JMJD7: variants seen among roughly 807,000 people sequenced by gnomAD.
JMJD7 encodes bifunctional peptidase and (3S)-lysyl hydroxylase JMJD7.
In JMJD7, 41 loss-of-function variants were observed where a neutral mutation model predicts 41.1. That is an observed-to-expected ratio of 1.00 (90% confidence interval 0.78 to 1.30). JMJD7 has a LOEUF of 1.30. JMJD7 is among the 50% of genes most tolerant of loss of function. JMJD7 has a pLI of 0.00. For synonymous variants in JMJD7, 202 were observed against 177.2 expected, an observed-to-expected ratio of 1.14 and a Z score of -1.11; for missense variants, 480 against 420.7, an observed-to-expected ratio of 1.14 and a Z score of -1.23.
At chr15:41,833,408 A>ATT (rs1279721703) in intron 1 of JMJD7, among the ~76,000 whole-genome samples, 7 of 39,864 alleles carry the variant, frequency 1.8e-4, no homozygotes, top group East Asian at 4.9e-4. Flanking sequence ...ATATATATAT[A>ATT]TATATATTTT....
Position 41,828,351 on chromosome 15 carries a change from C to T in JMJD7, c.64+163C>T, listed in dbSNP as rs1296070178. On this transcript the variant is annotated intron_variant, in intron 1 of 7. Transcript: ENST00000397299. ...GCTTCCCTTCTCCCGTGTTCGCGCG[C>T]TCCCGCGGCTTCCTGGGTGATTCTG... 5 of 833,356 alleles carry T rather than the reference C, an allele frequency of 6.0e-6. No homozygotes were observed. The African/African-American group carries it at 9.0e-5, about 15-fold the overall frequency. The allele number at this position is 833,356 out of a possible 1,614,324, so 51.6% of individuals were successfully genotyped here. A position where few individuals can be genotyped will look rare whatever the true frequency, so the allele number is the denominator to read the frequency against.
At chr15:41,835,724 A>G (rs1163338131) in intron 4 of JMJD7, 80 bp downstream of exon 4, 1 of 1,509,288 alleles carries the variant, frequency 6.6e-7, no homozygotes. Context: ...GAGTGGAGGG[A>G]TGGCCCTGGG....
chr15:41,833,933 T>C (rs1057186103), intron 1 of JMJD7, among the ~76,000 whole-genome samples: 6 of 151,980 alleles, frequency 3.9e-5, no homozygotes. Flanking sequence ...TTGAGAGACA[T>C]AGGAGACAGA....
At chr15:41,835,330 G>T in intron 3 of JMJD7, 107 bp downstream of exon 3, 1 of 1,453,590 alleles carries the variant, frequency 6.9e-7, no homozygotes, top group Non-Finnish European at 9.1e-7. Context: ...GCTTGGTCCT[G>T]TCAGCATCTG....
chr15:41,834,381 C>G (rs975594703), intron 1 of JMJD7, among the ~76,000 whole-genome samples: 8 of 152,240 alleles, frequency 5.3e-5, no homozygotes, highest in African/African-American at 1.9e-4. Flanking sequence ...TTCTGGAGCT[C>G]CCAATGCCAC....
rs55860712 is a variant in JMJD7 at position 41,833,393 on chromosome 15, C to CATATATATATAT, written c.65-1336_65-1325dup. ...ATAAACAGTTTATGTAGGTGAAATACATATATATATATATATATATATTTT... is the reference window on the plus strand; with the variant it reads ...ATAAACAGTTTATGTAGGTGAAATACATATATATATATATATATATATATATATATATATTTT... On this transcript the variant is annotated intron_variant, in intron 1 of 7. Transcript: ENST00000397299. Among the ~76,000 whole-genome samples, 96 of 50,538 alleles carry CATATATATATAT rather than the reference C, an allele frequency of 1.9e-3. 5 individuals carry two copies. The highest frequency in any genetic ancestry group is 4.9e-3 in the African/African-American group (72 of 14,748). The allele number at this position is 50,538 out of a possible 152,430, so 33.2% of individuals were successfully genotyped here.
chr15:41,833,410 A>ATTT (rs1465192714), intron 1 of JMJD7, among the ~76,000 whole-genome samples: 9 of 39,704 alleles, frequency 2.3e-4, no homozygotes, highest in East Asian at 1.0e-3. Context: ...ATATATATAT[A>ATTT]TATATTTTTT....
chr15:41,828,171 T>A lies in JMJD7; in HGVS notation c.47T>A (p.Phe16Tyr). The A allele has an allele frequency of 1.3e-6, 2 of 1,493,462 alleles. No homozygotes were observed. Among genetic ancestry groups the A allele is most frequent in the Non-Finnish European group, 1.8e-6 (2 of 1,130,194 alleles). The allele number at this position is 1,493,462 out of a possible 1,614,324, so 92.5% of individuals were successfully genotyped here. ...GCCGTGCGGAGCGAGTTACGAGAAT[T>A]CCCGGCCGCTGCAAGGGGTGAGTGG... is the stretch of plus-strand genomic sequence containing the variant. ...LEAVRSELRE[F>Y]PAAARELCVP... is the part of the protein sequence containing the mutation. Residue 16 changes from phenylalanine (F) to tyrosine (Y), a missense_variant, in exon 1 of 8, where the codon TTC (phenylalanine) becomes TAC (tyrosine). Phe to Tyr is a conservative substitution (Grantham distance 22). Transcript: ENST00000397299.
At chr15:41,833,414 A>ATT (rs67111164) in intron 1 of JMJD7, among the ~76,000 whole-genome samples, 418 of 32,022 alleles carry the variant, frequency 0.013, 46 homozygotes, top group East Asian at 0.037. Context: ...ATATATATAT[A>ATT]TTTTTTTTTT....
chr15:41,836,596 G>T lies in JMJD7; in HGVS notation c.702+45G>T, dbSNP rs376499010. 4 of 1,505,626 alleles carry T rather than the reference G, an allele frequency of 2.7e-6. No homozygotes were observed. The African/African-American group carries it at 5.6e-5, about 21-fold the overall frequency. The allele number at this position is 1,505,626 out of a possible 1,614,324, so 93.3% of individuals were successfully genotyped here. A position where few individuals can be genotyped will look rare whatever the true frequency, so the allele number is the denominator to read the frequency against. ...GCTCTAGGGAGGGAGAAGGGCAGAA[G>T]CCTGGCTCTGAAGAACAGGCACAAA... On this transcript the variant is annotated intron_variant, in intron 6 of 7. Transcript: ENST00000397299.
At chr15:41,833,344 C>T (rs1053795968) in intron 1 of JMJD7, among the ~76,000 whole-genome samples, 6 of 143,056 alleles carry the variant, frequency 4.2e-5, no homozygotes, top group African/African-American at 1.5e-4. Flanking sequence ...GTGGAGTTCA[C>T]ATTCTAGCAA....
In JMJD7 at chr15:41,837,491, C is replaced by G. The variant is rs1567167292; in HGVS notation, c.*335C>G. On this transcript the variant is annotated 3_prime_UTR_variant, in exon 8 of 8. Coordinates refer to ENST00000397299, the MANE Select transcript of JMJD7 (RefSeq NM_001114632.2). ...AGTAAAGAGATAATAATGGCTGTAC[C>G]TCGCGGGGCTGTTGTGGGCTTGGAG... The G allele has an allele frequency of 2.9e-6, 1 of 343,438 alleles. No individual in the cohort carries two copies. Among genetic ancestry groups the G allele is most frequent in the Non-Finnish European group, 5.3e-6 (1 of 187,622 alleles). 21.3% of individuals were successfully genotyped at this position (343,438 alleles called of 1,614,324 possible). A position where few individuals can be genotyped will look rare whatever the true frequency, so the allele number is the denominator to read the frequency against.
At chr15:41,833,994 G>A (rs1176766564) in intron 1 of JMJD7, among the ~76,000 whole-genome samples, 2 of 152,072 alleles carry the variant, frequency 1.3e-5, no homozygotes, top group African/African-American at 2.4e-5. Context: ...GAAGGAGAAA[G>A]CTGAGTCAAA....
Position 41,829,461 on chromosome 15 carries a change from G to T in JMJD7, c.64+1273G>T, listed in dbSNP as rs147231531. On this transcript the variant is annotated intron_variant, in intron 1 of 7. Coordinates refer to ENST00000397299, the MANE Select transcript of JMJD7 (RefSeq NM_001114632.2). ...GGAGTAGCTGAGACTACAGGCATGC[G>T]CCACCACGCCTGGCTAATTTTTTTG... Among the ~76,000 whole-genome samples, 520 of 152,276 alleles carry T rather than the reference G, an allele frequency of 3.4e-3. 4 individuals are homozygous for T. Among genetic ancestry groups the T allele is most frequent in the African/African-American group, 0.012 (496 of 41,560 alleles).
intron 1 of JMJD7, among the ~76,000 whole-genome samples, chr15:41,833,414 A>ATATTTT (rs1239528383): frequency 3.1e-4 from 10 of 32,014 alleles, no homozygotes; most frequent in African/African-American, 6.6e-4. Context: ...ATATATATAT[A>ATATTTT]TTTTTTTTTT....
At chr15:41,833,414 A>ATATATATATT (rs1239528383) in intron 1 of JMJD7, among the ~76,000 whole-genome samples, 30 of 32,012 alleles carry the variant, frequency 9.4e-4, no homozygotes, top group African/African-American at 2.4e-3. Context: ...ATATATATAT[A>ATATATATATT]TTTTTTTTTT....
At chr15:41,832,419 C>T (rs1428657462) in intron 1 of JMJD7, 1 of 161,870 alleles carries the variant, frequency 6.2e-6, no homozygotes, top group Non-Finnish European at 1.3e-5. Flanking sequence ...CGTCACTGCA[C>T]TTCAGCCTGG....
At position 41,835,218 on chromosome 15, in the gene JMJD7, C is replaced by G; in HGVS notation, c.467C>G (p.Ala156Gly). ...LESHVPWASE[A>G]LGKMPDAVNF... ...TCCCATGTGCCCTGGGCCTCCGAAG[C>G]CCTGGGTGAGTGGAGGTGGGGTGGT... Residue 156 changes from alanine to glycine, a missense_variant, in exon 3 of 8, where the codon GCC (alanine) becomes GGC (glycine). Coordinates refer to ENST00000397299, the MANE Select transcript of JMJD7 (RefSeq NM_001114632.2). 6.3e-7 allele frequency: 1 copy of G among 1,598,016 alleles called. No individual in the cohort carries two copies. The highest frequency in any genetic ancestry group is 8.5e-7 in the Non-Finnish European group (1 of 1,179,324).
In JMJD7 at chr15:41,835,091, G is replaced by A. The variant is rs867603436; in HGVS notation, c.340G>A (p.Asp114Asn). ...ERRLPLSFVL[D>N]VLEGRAQHPG... The stretch of plus-strand genomic sequence containing the variant: ...CCGCCTGCCCCTGAGCTTCGTGCTG[G>A]ATGTGCTGGAGGGCCGGGCCCAGCA... Residue 114 changes from aspartate (D) to asparagine (N), a missense_variant, in exon 3 of 8, where the codon GAT (aspartate) becomes AAT (asparagine). Coordinates refer to ENST00000397299, the MANE Select transcript of JMJD7 (RefSeq NM_001114632.2). 2 of 1,613,362 alleles carry A rather than the reference G, an allele frequency of 1.2e-6. No homozygotes were observed. The highest frequency in any genetic ancestry group is 3.3e-4 in the Middle Eastern group (2 of 6,062).
Sources: gnomAD v4.1 joint callset for allele counts (sites outside exome capture counted in the v4.1 genomes callset) on GRCh38, gnomAD v4.1.1 for gene constraint, MANE v1.5 for transcripts, NCBI Gene and HGNC (gene_info 2026-07-23, HGNC 2026-07-21) for gene names.